The following RGS5 variants were observed in gnomAD, a reference collection of about 807,000 sequenced individuals.
The protein encoded by RGS5 is regulator of G-protein signalling 5.
A neutral mutation model predicts 18.9 loss-of-function variants in RGS5; 20 were observed. That is an observed-to-expected ratio of 1.06 (90% CI 0.74 to 1.54). The LOEUF (loss-of-function observed/expected upper bound fraction) is 1.54. Among genes scored for constraint, RGS5 ranks in the 40% most tolerant of loss-of-function variants. The pLI is 0.00. For missense variants in RGS5, 201 were observed against 211.8 expected, an observed-to-expected ratio of 0.95 and a Z score of 0.32; for synonymous variants, 57 against 76.2, an observed-to-expected ratio of 0.75 and a Z score of 1.31.
At chr1:163,153,559 T>C (rs892511118) in intron 3 of RGS5, among the ~76,000 whole-genome samples, 5 of 152,164 alleles carry the variant, frequency 3.3e-5, no homozygotes, top group South Asian at 2.1e-4. Context: ...ATTATAGCTA[T>C]TATGATTCTG....
chr1:163,265,334 C>T (rs1648548996), intron 2 of RGS5, among the ~76,000 whole-genome samples: 1 of 152,038 alleles, frequency 6.6e-6, no homozygotes, highest in South Asian at 2.1e-4. Context: ...TATTCATCCC[C>T]ACTATTTTCA....
chr1:163,253,716 T>G (rs1284806228), intron 2 of RGS5, among the ~76,000 whole-genome samples: 10 of 152,070 alleles, frequency 6.6e-5, no homozygotes, highest in African/African-American at 2.2e-4. Flanking sequence ...TAGTTACATA[T>G]GTATACATGT....
At chr1:163,296,666 C>A (rs1460730031) in intron 2 of RGS5, among the ~76,000 whole-genome samples, 1 of 152,100 alleles carries the variant, frequency 6.6e-6, no homozygotes. Flanking sequence ...AACTATTAAC[C>A]TTTTCCTTTT....
intron 2 of RGS5, among the ~76,000 whole-genome samples, chr1:163,236,639 T>C (rs1331649931): frequency 6.6e-6 from 1 of 152,112 alleles, no homozygotes; most frequent in African/African-American, 2.4e-5. Context: ...GGAAAAACCC[T>C]TGAGCAGACC....
intron 2 of RGS5, among the ~76,000 whole-genome samples, chr1:163,229,006 C>A (rs1409672489): frequency 6.6e-6 from 1 of 152,172 alleles, no homozygotes; most frequent in Non-Finnish European, 1.5e-5. Flanking sequence ...CCATATCTTC[C>A]TGTCTTCTTC....
At chr1:163,289,768 G>C (rs931044004) in intron 2 of RGS5, among the ~76,000 whole-genome samples, 1 of 152,008 alleles carries the variant, frequency 6.6e-6, no homozygotes, top group African/African-American at 2.4e-5. Context: ...ATTGATACAG[G>C]AGCTAGAAAT....
chr1:163,181,267 A>C (rs1658834678), intron 1 of RGS5, among the ~76,000 whole-genome samples: 1 of 151,912 alleles, frequency 6.6e-6, no homozygotes, highest in South Asian at 2.1e-4. Context: ...CCACATGTAC[A>C]CCTACTCCTG....
chr1:163,315,425 G>T (rs918107781), intron 1 of RGS5, among the ~76,000 whole-genome samples: 2 of 151,998 alleles, frequency 1.3e-5, no homozygotes, highest in Non-Finnish European at 2.9e-5. Context: ...AAGTCACATT[G>T]ACCAAAAAAT....
intron 2 of RGS5, among the ~76,000 whole-genome samples, chr1:163,284,799 C>T (rs571311659): frequency 4.6e-5 from 7 of 152,152 alleles, no homozygotes; most frequent in Non-Finnish European, 8.8e-5. Flanking sequence ...CTCCCTCCCC[C>T]TCTTCCCCTC....
chr1:163,151,950 G>A (rs2102382833), intron 4 of RGS5, among the ~76,000 whole-genome samples: 1 of 152,158 alleles, frequency 6.6e-6, no homozygotes, highest in South Asian at 2.1e-4. Flanking sequence ...TAAACACAAA[G>A]TTCATTTATG....
intron 2 of RGS5, among the ~76,000 whole-genome samples, chr1:163,264,993 T>C (rs1007725821): frequency 6.6e-6 from 1 of 152,136 alleles, no homozygotes; most frequent in Non-Finnish European, 1.5e-5. Context: ...GCACTTGGAA[T>C]GCTGAGCATT....
rs1657016612 is a variant in RGS5, at chr1:163,143,780, C to T, written c.*3562G>A. ...TCTGAAATATAACTAGCTTTTACAA[C>T]GATTCTCAAATTTGTTATTGGATAG... On this transcript the variant is annotated 3_prime_UTR_variant, in exon 5 of 5. Transcript: ENST00000313961. 1 of 152,010 alleles carries T rather than the reference C, an allele frequency of 6.6e-6. No individual in the cohort carries two copies. The highest frequency in any genetic ancestry group is 2.4e-5 in the African/African-American group (1 of 41,410). The allele number at this position is 152,010 out of a possible 1,614,324, so 9.4% of individuals were successfully genotyped here.
At chr1:163,199,899 G>A (rs1659709623) in intron 1 of RGS5, among the ~76,000 whole-genome samples, 1 of 152,084 alleles carries the variant, frequency 6.6e-6, no homozygotes, top group Non-Finnish European at 1.5e-5. Flanking sequence ...TCAAACTCCT[G>A]TCCTCAAGGG....
In RGS5 at chr1:163,266,045, T is replaced by C. The variant is rs546232623; in HGVS notation, c.-281+40188A>G. ...TGCCTACTGGACTCCAGGTGGAGGCTGCAACAGTCTCAACATCCAGGCCAG... is the reference window on the plus strand; with the variant it reads ...TGCCTACTGGACTCCAGGTGGAGGCCGCAACAGTCTCAACATCCAGGCCAG... On this transcript the variant is annotated intron_variant, in intron 2 of 5. Transcript: ENST00000618415. 2.6e-5 allele frequency among the ~76,000 whole-genome samples: 4 copies of C among 152,242 alleles called. No individual in the cohort carries two copies. In the East Asian group the frequency reaches 7.7e-4, roughly 29 times the overall value.
chr1:163,220,025 T>C (rs972743208), upstream of RGS5, among the ~76,000 whole-genome samples: 1 of 152,180 alleles, frequency 6.6e-6, no homozygotes, highest in African/African-American at 2.4e-5. Context: ...TACATTCCCA[T>C]CAGCAATCTA....
chr1:163,177,963 CA>C (rs1378363998), intron 1 of RGS5, among the ~76,000 whole-genome samples: 1 of 152,064 alleles, frequency 6.6e-6, no homozygotes, highest in African/African-American at 2.4e-5. Flanking sequence ...AGCTTGTTCC[CA>C]GAGAGAAGGA....
upstream of RGS5, among the ~76,000 whole-genome samples, chr1:163,205,469 G>C (rs1659932162): frequency 6.6e-6 from 1 of 151,424 alleles, no homozygotes. Flanking sequence ...AGAAATGACA[G>C]TAAATATATG....
intron 1 of RGS5, among the ~76,000 whole-genome samples, chr1:163,208,312 C>T (rs1448901970): frequency 3.5e-4 from 41 of 118,318 alleles, no homozygotes; most frequent in East Asian, 8.8e-4. Context: ...CCCGCCACTG[C>T]ACTCCAGCCT....
At chr1:163,192,289 G>A (rs571237070) in intron 1 of RGS5, among the ~76,000 whole-genome samples, 70 of 152,192 alleles carry the variant, frequency 4.6e-4, no homozygotes, top group Non-Finnish European at 1.2e-4. Context: ...GGGATATGAC[G>A]TTAACTCCAA....
Sources: allele counts gnomAD v4.1 joint callset (sites outside exome capture counted in the v4.1 genomes callset), GRCh38; gene constraint gnomAD v4.1.1; transcripts MANE v1.5; gene names NCBI Gene and HGNC (gene_info 2026-07-23, HGNC 2026-07-21).